Variants in ZNF749 observed in about 807,000 individuals in gnomAD.
ZNF749 encodes zinc finger protein 749.
In ZNF749, 8 loss-of-function variants were observed where a neutral mutation model predicts 7.3. The observed-to-expected ratio is 1.10, with a 90% CI of 0.64 to 1.98. The LOEUF (loss-of-function observed/expected upper bound fraction) is 1.98, where lower values mean the gene tolerates loss of function less well. Among genes scored for constraint, ZNF749 ranks in the 30% most tolerant of loss-of-function variants. ZNF749 has a pLI of 0.00. For synonymous variants in ZNF749, 310 were observed against 322.4 expected (o/e 0.96, Z 0.41); for missense variants, 898 against 932.4 (o/e 0.96, Z 0.48).
At position 57,443,221 on chromosome 19, in the gene ZNF749, A is replaced by G. The variant is rs375624036; in HGVS notation, c.143-70A>G. 213 of 1,364,018 alleles carry G rather than the reference A, an allele frequency of 1.6e-4. 1 individual carries two copies. The East Asian group carries it at 3.7e-3, about 24-fold the overall frequency. 84.5% of individuals were successfully genotyped at this position (1,364,018 alleles called of 1,614,324 possible). On this transcript the variant is annotated intron_variant, in intron 2 of 2. Transcript: ENST00000334181. ...CCTCATTTGTGGGTGTGTCTCACAG[A>G]CATTTGTGATGGGGCTGTCTCCTCC...
At chr19:57,432,243 G>A (rs1024615668), upstream of ZNF749, among the ~76,000 whole-genome samples, 3 of 151,214 alleles carry the variant, frequency 2.0e-5, no homozygotes, top group African/African-American at 7.3e-5. Flanking sequence ...GAAATGGTGT[G>A]ATACTATCAA....
rs1425509944 is a variant in ZNF749 at position 57,445,130 on chromosome 19, T to A, written c.1982T>A (p.Val661Asp). Residue 661 changes from valine (V) to aspartate (D), a missense_variant, in exon 3 of 3, where the codon GTT (valine) becomes GAT (aspartate). Coordinates refer to ENST00000334181, the MANE Select transcript of ZNF749 (RefSeq NM_001023561.4). ...TACAAACTCATTATTCATCAGAGAG[T>A]TCATACTGGAGAAAAGCCTTATGAA... ...DSYKLIIHQR[V>D]HTGEKPYECS... 10 of 1,613,672 alleles carry A rather than the reference T, an allele frequency of 6.2e-6. No individual in the cohort carries two copies. In the East Asian group the frequency reaches 2.2e-4, roughly 36 times the overall value.
At chr19:57,431,329 T>C (rs1462364253), upstream of ZNF749, among the ~76,000 whole-genome samples, 3 of 152,244 alleles carry the variant, frequency 2.0e-5, no homozygotes, top group Non-Finnish European at 4.4e-5. Flanking sequence ...TTGTTTTCTT[T>C]TCAACTGAAA....
rs1226942427 is a variant in ZNF749 at position 57,444,159 on chromosome 19, T to G, written c.1011T>G (p.Tyr337Ter). 2.5e-6 allele frequency: 4 copies of G among 1,613,716 alleles called. No individual in the cohort carries two copies. Among genetic ancestry groups the G allele is most frequent in the Admixed American group, 3.3e-5 (2 of 59,986 alleles). Residue 337 changes from tyrosine (Y) to a stop codon, truncating the protein, a stop_gained, in exon 3 of 3, where the codon TAT becomes TAG. Coordinates refer to ENST00000334181, the MANE Select transcript of ZNF749 (RefSeq NM_001023561.4). LOFTEE classifies it low-confidence loss of function (END_TRUNC). ...ACAAGTGTGGGAAGTTTTTTATGTA[T>G]AACTCCAAACTCATCAGACATCAGA... ...ECNKCGKFFMYNSKLIRHQKV... is the reference protein window; with the variant it reads ...ECNKCGKFFM
chr19:57,442,520 C>T lies in ZNF749; in HGVS notation c.142+509C>T, dbSNP rs2089002249. ...TATTGCTCTGTGTACATGCTGTCCC[C>T]TCCCTTTCCCTGCCTTTCCCGTAGC... On this transcript the variant is annotated intron_variant, in intron 2 of 2. Transcript: ENST00000334181. The surrounding 1 kb of genome is among the most constrained non-coding windows in gnomAD (Gnocchi z 6.6). Among the ~76,000 whole-genome samples the T allele has an allele frequency of 6.6e-6, 1 of 152,164 alleles. No homozygotes were observed. The highest frequency in any genetic ancestry group is 1.5e-5 in the Non-Finnish European group (1 of 68,024).
chr19:57,443,437 C>G lies in ZNF749; in HGVS notation c.289C>G (p.Leu97Val), dbSNP rs1426130831. 4 of 1,614,146 alleles carry G rather than the reference C, an allele frequency of 2.5e-6. No homozygotes were observed. The highest frequency in any genetic ancestry group is 1.7e-5 in the Admixed American group (1 of 60,000). The change falls in exon 3 of 3, where the codon CTG becomes GTG. Residue 97 changes from leucine (L) to valine (V), a missense_variant. By Grantham distance (32) the Leu-to-Val change is conservative (BLOSUM62 1). Transcript: ENST00000334181. Reference protein sequence around the residue: ...KMCSSILKDILHLAEHDGTHP... With the variant: ...KMCSSILKDIVHLAEHDGTHP... The stretch of plus-strand genomic sequence containing the variant: ...GTGTAGCTCAATTCTGAAGGACATT[C>G]TGCACCTGGCTGAGCACGATGGAAC...
At chr19:57,440,056 ATG>A (rs2088972219) in intron 1 of ZNF749, among the ~76,000 whole-genome samples, 1 of 151,978 alleles carries the variant, frequency 6.6e-6, no homozygotes, top group South Asian at 2.1e-4. Context: ...GACTGAGGGT[ATG>A]TGTGTGTATG....
At chr19:57,432,328 C>T (rs1439801157), upstream of ZNF749, among the ~76,000 whole-genome samples, 2 of 149,362 alleles carry the variant, frequency 1.3e-5, no homozygotes, top group Non-Finnish European at 3.0e-5. Flanking sequence ...ATAATCCTAG[C>T]ACTTTGGGCG....
In ZNF749 at chr19:57,443,208, G is replaced by C. The variant is rs185797981; in HGVS notation, c.143-83G>C. The C allele has an allele frequency of 2.7e-3, 3,264 of 1,206,806 alleles. 8 individuals carry two copies. The highest frequency in any genetic ancestry group is 3.5e-3 in the Non-Finnish European group (2,975 of 845,756). The allele number at this position is 1,206,806 out of a possible 1,614,324, so 74.8% of individuals were successfully genotyped here. A position where few individuals can be genotyped will look rare whatever the true frequency, so the allele number is the denominator to read the frequency against. ...ACCAGTCCTGTGCCCTCATTTGTGGGTGTGTCTCACAGACATTTGTGATGG... is the reference window on the plus strand; with the variant it reads ...ACCAGTCCTGTGCCCTCATTTGTGGCTGTGTCTCACAGACATTTGTGATGG... On this transcript the variant is annotated intron_variant, in intron 2 of 2. Coordinates refer to ENST00000334181, the MANE Select transcript of ZNF749 (RefSeq NM_001023561.4).
In ZNF749 at chr19:57,444,444, T is replaced by C; in HGVS notation, c.1296T>C (p.His432=). Reference sequence around the variant, plus strand: ...ATGTTGTTCAGCATCTGAAAATTCATACTGGAGAACGGCCTTATGAGTGCA... The same window carrying C: ...ATGTTGTTCAGCATCTGAAAATTCACACTGGAGAACGGCCTTATGAGTGCA... ...KHNVVQHLKI[H]TGERPYECTE... is the part of the protein sequence containing the mutation. The change falls in exon 3 of 3, where the codon CAT becomes CAC. Residue 432 remains histidine, a synonymous_variant. Transcript: ENST00000334181. 1 of 1,614,060 alleles carries C rather than the reference T, an allele frequency of 6.2e-7. No individual in the cohort carries two copies. The highest frequency in any genetic ancestry group is 8.5e-7 in the Non-Finnish European group (1 of 1,179,914).
In ZNF749 at chr19:57,446,032, T is replaced by C. The variant is rs2089061910; in HGVS notation, c.*547T>C. ...GTTCAGTAGTGTTAAGTCATTCGCATTGTTGTCAATTAATATCCAGAAGTT... is the reference window on the plus strand; with the variant it reads ...GTTCAGTAGTGTTAAGTCATTCGCACTGTTGTCAATTAATATCCAGAAGTT... On this transcript the variant is annotated 3_prime_UTR_variant, in exon 3 of 3. Coordinates refer to ENST00000334181, the MANE Select transcript of ZNF749 (RefSeq NM_001023561.4). Among the ~76,000 whole-genome samples the C allele has an allele frequency of 2.0e-5, 3 of 152,322 alleles. No individual in the cohort carries two copies. Among genetic ancestry groups the C allele is most frequent in the Non-Finnish European group, 1.5e-5 (1 of 68,034 alleles).
In ZNF749 at chr19:57,439,930, G is replaced by A. The variant is rs148322248; in HGVS notation, c.16-1955G>A. Among the ~76,000 whole-genome samples the A allele has an allele frequency of 2.6e-3, 394 of 152,310 alleles. 1 individual carries two copies. The highest frequency in any genetic ancestry group is 9.0e-3 in the African/African-American group (376 of 41,556). On this transcript the variant is annotated intron_variant, in intron 1 of 2. Coordinates refer to ENST00000334181, the MANE Select transcript of ZNF749 (RefSeq NM_001023561.4). This position sits in a 1 kb window ranked among gnomAD's most constrained non-coding sequence, Gnocchi z 4.3. ...CTGTTGTGAAACTGGGTCAGATTTAGGAAGCAATGGTGTTAGTAGGAAGGA... is the reference window on the plus strand; with the variant it reads ...CTGTTGTGAAACTGGGTCAGATTTAAGAAGCAATGGTGTTAGTAGGAAGGA...
Position 57,441,935 on chromosome 19 carries a change from G to A in ZNF749, c.66G>A (p.Trp22Ter). 6.2e-7 allele frequency: 1 copy of A among 1,614,134 alleles called. No individual in the cohort carries two copies. The highest frequency in any genetic ancestry group is 8.5e-7 in the Non-Finnish European group (1 of 1,179,998). ...DVAIYFSQEE[W>*]GILNDAQRHL... ...CCATATATTTCTCCCAAGAGGAATG[G>A]GGGATCCTTAATGATGCTCAGAGAC... Residue 22 changes from tryptophan (W) to a stop codon, truncating the protein, a stop_gained, in exon 2 of 3, where the codon TGG becomes TGA. Transcript: ENST00000334181. LOFTEE classifies it high-confidence loss of function.
rs765598855 is a variant in ZNF749 at position 57,446,937 on chromosome 19, C to T, written c.*1452C>T. Among the ~76,000 whole-genome samples the T allele has an allele frequency of 7.9e-5, 12 of 152,064 alleles. No individual in the cohort carries two copies. Among genetic ancestry groups the T allele is most frequent in the Non-Finnish European group, 1.2e-4 (8 of 68,030 alleles). Reference sequence around the variant, plus strand: ...AAACTTTATAGGGCACTAACATGAACGAAGCTTGCGGGACCCCTCTGGTTG... The same window carrying T: ...AAACTTTATAGGGCACTAACATGAATGAAGCTTGCGGGACCCCTCTGGTTG... On this transcript the variant is annotated 3_prime_UTR_variant, in exon 3 of 3. Transcript: ENST00000334181.
At chr19:57,440,208 C>G (rs527801085) in intron 1 of ZNF749, among the ~76,000 whole-genome samples, 14 of 152,120 alleles carry the variant, frequency 9.2e-5, no homozygotes, top group African/African-American at 3.4e-4. Context: ...TGGGTAGTTT[C>G]ATGCAAACTG....
In ZNF749 at chr19:57,436,251, G is replaced by A. The variant is rs1343998348; in HGVS notation, c.15+658G>A. Among the ~76,000 whole-genome samples the A allele has an allele frequency of 6.6e-6, 1 of 152,190 alleles. No homozygotes were observed. The highest frequency in any genetic ancestry group is 2.4e-5 in the African/African-American group (1 of 41,446). The stretch of plus-strand genomic sequence containing the variant: ...CAGAAGATCCTGGGTTGGATTTTGG[G>A]CGACATCACATGGGTAGGTGGACGT... On this transcript the variant is annotated intron_variant, in intron 1 of 2. Coordinates refer to ENST00000334181, the MANE Select transcript of ZNF749 (RefSeq NM_001023561.4). The surrounding 1 kb of genome is among the most constrained non-coding windows in gnomAD (Gnocchi z 4.0).
intron 2 of ZNF749, 102 bp from the exon 3 acceptor site, chr19:57,443,189 C>A: frequency 9.8e-7 from 1 of 1,015,574 alleles, no homozygotes; most frequent in Non-Finnish European, 1.5e-6. Context: ...TGTGACCAGT[C>A]CTGTGCCCTC....
At chr19:57,435,775 C>T in intron 1 of ZNF749, 182 bp downstream of exon 1, 1 of 1,265,254 alleles carries the variant, frequency 7.9e-7, no homozygotes, top group Non-Finnish European at 1.1e-6. Context: ...CGACACGTCT[C>T]TGGGGCTTGG....
rs1471779537 is a variant in ZNF749, at chr19:57,445,673, A to G, written c.*188A>G. 1.7e-6 allele frequency: 1 copy of G among 579,840 alleles called. No individual in the cohort carries two copies. The highest frequency in any genetic ancestry group is 2.2e-6 in the Non-Finnish European group (1 of 460,172). The allele number at this position is 579,840 out of a possible 1,614,324, so 35.9% of individuals were successfully genotyped here. On this transcript the variant is annotated 3_prime_UTR_variant, in exon 3 of 3. Transcript: ENST00000334181. ...TCCAGGCGTGGTGGCTCACGCCTGT[A>G]ATCCCAGCACTTTGGGAGGCAGAGG...
Sources: allele counts gnomAD v4.1 joint callset (sites outside exome capture counted in the v4.1 genomes callset), GRCh38; gene constraint gnomAD v4.1.1; non-coding constraint Gnocchi (gnomAD v3.1); transcripts MANE v1.5; gene names NCBI Gene and HGNC (gene_info 2026-07-23, HGNC 2026-07-21).